Variants in TMEM200A observed in about 807,000 individuals in gnomAD.
TMEM200A encodes the protein two transmembrane C.
In TMEM200A, 12 loss-of-function variants were observed where a neutral mutation model predicts 24.3. That is an observed-to-expected ratio of 0.49 (90% CI 0.32 to 0.80). The LOEUF (loss-of-function observed/expected upper bound fraction) is 0.80. Ranked by LOEUF, TMEM200A falls within the 30% of genes least tolerant of loss-of-function variation. The pLI is 0.04. For missense variants in TMEM200A, 545 were observed against 614.4 expected (o/e 0.89, Z 1.19); for synonymous variants, 224 against 224.4 (o/e 1.00, Z 0.02).
At chr6:130,411,427 C>T (rs897344428) in intron 2 of TMEM200A, among the ~76,000 whole-genome samples, 2 of 152,184 alleles carry the variant, frequency 1.3e-5, no homozygotes, top group Non-Finnish European at 2.9e-5. Context: ...CAAAGACATT[C>T]TTTACATAAC....
At position 130,441,165 on chromosome 6, in the gene TMEM200A, C is replaced by T; in HGVS notation, c.743C>T (p.Ser248Phe). Reference protein sequence around the residue: ...SSGHLMPPLLSDSSVSVFGLY... With the variant: ...SSGHLMPPLLFDSSVSVFGLY... Reference sequence around the variant, plus strand: ...GGGCATCTTATGCCCCCTTTGCTCTCTGACAGCTCTGTGTCTGTCTTTGGC... The same window carrying T: ...GGGCATCTTATGCCCCCTTTGCTCTTTGACAGCTCTGTGTCTGTCTTTGGC... Residue 248 changes from serine to phenylalanine, a missense_variant, in exon 3 of 3, where the codon TCT (serine) becomes TTT (phenylalanine). Ser to Phe is a radical substitution (Grantham distance 155). Transcript: ENST00000296978. 1 of 1,614,048 alleles carries T rather than the reference C, an allele frequency of 6.2e-7. No individual in the cohort carries two copies. Among genetic ancestry groups the T allele is most frequent in the Non-Finnish European group, 8.5e-7 (1 of 1,179,958 alleles).
At chr6:130,405,288 G>A (rs539543571) in intron 2 of TMEM200A, among the ~76,000 whole-genome samples, 1 of 152,254 alleles carries the variant, frequency 6.6e-6, no homozygotes, top group East Asian at 1.9e-4. Flanking sequence ...CTGTTCATGA[G>A]CATGGAATGT....
intron 2 of TMEM200A, among the ~76,000 whole-genome samples, chr6:130,433,455 T>A (rs563445409): frequency 6.6e-6 from 1 of 152,310 alleles, no homozygotes; most frequent in Non-Finnish European, 1.5e-5. Flanking sequence ...ATTTTTATTC[T>A]ATTTTTATTT....
Position 130,426,158 on chromosome 6 carries a change from G to C in TMEM200A, c.-16-14249G>C, listed in dbSNP as rs145248898. ...TGTAAATATTCCTTCTGTAGGTTGA[G>C]AGTAGACAGGGAAAAGCCACCAGTA... On this transcript the variant is annotated intron_variant, in intron 2 of 2. Coordinates refer to ENST00000296978, the MANE Select transcript of TMEM200A (RefSeq NM_001258277.2). 1.2e-4 allele frequency among the ~76,000 whole-genome samples: 19 copies of C among 152,262 alleles called. No homozygotes were observed. In the East Asian group the frequency reaches 3.7e-3, roughly 29 times the overall value.
intron 2 of TMEM200A, among the ~76,000 whole-genome samples, chr6:130,421,652 CATCTT>C (rs1220198552): frequency 6.6e-6 from 1 of 152,018 alleles, no homozygotes; most frequent in Non-Finnish European, 1.5e-5. Flanking sequence ...AGAACTTACT[CATCTT>C]AACGTAACTA....
At chr6:130,391,731 CTTTTTTTTTTTTTT>C (rs773093362) in intron 2 of TMEM200A, among the ~76,000 whole-genome samples, 1 of 81,854 alleles carries the variant, frequency 1.2e-5, no homozygotes, top group Non-Finnish European at 2.2e-5. Context: ...TTCAAGATTC[CTTTTTTTTTTTTTT>C]TTTTTTTTTT....
At chr6:130,397,969 TTC>T (rs140058135) in intron 2 of TMEM200A, among the ~76,000 whole-genome samples, 4,201 of 152,072 alleles carry the variant, frequency 0.028, 73 homozygotes, top group African/African-American at 0.043. Flanking sequence ...CGTTTCTTTT[TTC>T]TCTCTCAACT....
intron 2 of TMEM200A, among the ~76,000 whole-genome samples, chr6:130,409,882 A>G (rs394207): frequency 2.6e-5 from 4 of 152,054 alleles, no homozygotes; most frequent in Non-Finnish European, 5.9e-5. Flanking sequence ...AGTAAAAACA[A>G]TGAATCACGT....
At chr6:130,410,176 G>T (rs1340706021) in intron 2 of TMEM200A, among the ~76,000 whole-genome samples, 3 of 152,170 alleles carry the variant, frequency 2.0e-5, no homozygotes, top group African/African-American at 4.8e-5. Context: ...TTCTTTGTGA[G>T]TTTTCTGTGA....
rs1780224364 is a variant in TMEM200A, at chr6:130,442,600, C to T, written c.*702C>T. 1.2e-5 allele frequency: 2 copies of T among 166,810 alleles called. No individual in the cohort carries two copies. The highest frequency in any genetic ancestry group is 6.8e-3 in the Middle Eastern group (2 of 296). The allele number at this position is 166,810 out of a possible 1,614,324, so 10.3% of individuals were successfully genotyped here. ...ATTATAGTTGCTATAACGTTAGATACTCGGAATCAAAATTTATTTGCAAGC... is the reference window on the plus strand; with the variant it reads ...ATTATAGTTGCTATAACGTTAGATATTCGGAATCAAAATTTATTTGCAAGC... On this transcript the variant is annotated 3_prime_UTR_variant, in exon 3 of 3. Coordinates refer to ENST00000296978, the MANE Select transcript of TMEM200A (RefSeq NM_001258277.2).
At chr6:130,432,796 G>A (rs1583229438) in intron 2 of TMEM200A, among the ~76,000 whole-genome samples, 1 of 152,166 alleles carries the variant, frequency 6.6e-6, no homozygotes, top group East Asian at 1.9e-4. Context: ...ACTGAACTGT[G>A]CTTTGCATTT....
chr6:130,412,560 G>A (rs763942350), intron 2 of TMEM200A, among the ~76,000 whole-genome samples: 1 of 152,076 alleles, frequency 6.6e-6, no homozygotes, highest in Non-Finnish European at 1.5e-5. Flanking sequence ...CCCTTCCTGT[G>A]GAGACACCCT....
intron 2 of TMEM200A, among the ~76,000 whole-genome samples, chr6:130,415,328 A>G (rs1779424624): frequency 6.6e-6 from 1 of 152,200 alleles, no homozygotes; most frequent in Admixed American, 6.5e-5. Context: ...GAGAATGAGC[A>G]GAAGGTTCCT....
intron 2 of TMEM200A, among the ~76,000 whole-genome samples, chr6:130,406,384 T>C (rs1177195175): frequency 6.6e-6 from 1 of 152,164 alleles, no homozygotes; most frequent in Admixed American, 6.6e-5. Flanking sequence ...TTGGATTTTA[T>C]GTTGATTCCC....
intron 2 of TMEM200A, among the ~76,000 whole-genome samples, chr6:130,403,978 C>A (rs1309827239): frequency 6.6e-6 from 1 of 152,034 alleles, no homozygotes; most frequent in African/African-American, 2.4e-5. Flanking sequence ...TCCAGCTCCA[C>A]CCATTTCCCT....
intron 2 of TMEM200A, among the ~76,000 whole-genome samples, chr6:130,405,453 G>T (rs1779182994): frequency 6.6e-6 from 1 of 152,024 alleles, no homozygotes; most frequent in Non-Finnish European, 1.5e-5. Context: ...AAACTTTTAA[G>T]AATTGCTCTT....
intron 2 of TMEM200A, among the ~76,000 whole-genome samples, chr6:130,420,873 T>TCC (rs1779565989): frequency 6.6e-6 from 1 of 152,070 alleles, no homozygotes; most frequent in South Asian, 2.1e-4. Context: ...CATTTCTTCT[T>TCC]CCATCCTTCA....
chr6:130,373,763 C>A lies in TMEM200A; in HGVS notation c.-81+7239C>A, dbSNP rs142103573. 4.4e-3 allele frequency among the ~76,000 whole-genome samples: 664 copies of A among 152,108 alleles called. 7 individuals are homozygous for A. The highest frequency in any genetic ancestry group is 0.015 in the African/African-American group (621 of 41,482). ...ATTCGTGGAACGATAATTCCTGGGT[C>A]AAAGGGTATGAAAATTTCAGGCTCT... On this transcript the variant is annotated intron_variant, in intron 1 of 2. Coordinates refer to ENST00000296978, the MANE Select transcript of TMEM200A (RefSeq NM_001258277.2).
At chr6:130,411,872 CTG>C (rs1779337851) in intron 2 of TMEM200A, among the ~76,000 whole-genome samples, 1 of 152,104 alleles carries the variant, frequency 6.6e-6, no homozygotes, top group African/African-American at 2.4e-5. Flanking sequence ...TTTTTAATTA[CTG>C]TTTTTTGTAA....
Sources: allele counts gnomAD v4.1 joint callset (sites outside exome capture counted in the v4.1 genomes callset), GRCh38; gene constraint gnomAD v4.1.1; transcripts MANE v1.5; gene names NCBI Gene and HGNC (gene_info 2026-07-23, HGNC 2026-07-21).